TDRD10: variants seen among roughly 807,000 people sequenced by gnomAD.
The protein encoded by TDRD10 is tudor domain containing 10, also known as tudor domain-containing protein 10.
In TDRD10, 40 loss-of-function variants were observed where a neutral mutation model predicts 48.0. That is an observed-to-expected ratio of 0.83 (90% confidence interval 0.65 to 1.09). The LOEUF is 1.09. Among genes scored for constraint, TDRD10 ranks in the 50% least tolerant of loss-of-function variants. The pLI, the probability that TDRD10 is intolerant of heterozygous loss-of-function variation, is 0.00. For missense variants in TDRD10, 378 were observed against 434.7 expected, an observed-to-expected ratio of 0.87 and a Z score of 1.16; for synonymous variants, 162 against 170.4, an observed-to-expected ratio of 0.95 and a Z score of 0.38.
intron 4 of TDRD10, among the ~76,000 whole-genome samples, chr1:154,512,536 G>C (rs569732975): frequency 6.6e-6 from 1 of 152,098 alleles, no homozygotes; most frequent in Non-Finnish European, 1.5e-5. Flanking sequence ...TAGAGATGGG[G>C]TTTCTCCATG....
rs745546168 is a variant in TDRD10 at position 154,547,520 on chromosome 1, T to G, written c.1023+41T>G. 2.5e-6 allele frequency: 4 copies of G among 1,614,104 alleles called. No homozygotes were observed. The South Asian group carries it at 4.4e-5, about 18-fold the overall frequency. On this transcript the variant is annotated intron_variant, in intron 12 of 12. Transcript: ENST00000368482. ...TCTAACTTGGCTGTTGTCCCTCCAC[T>G]CCTGCCCTTGGGGTGTCTGCAGCAG... is the stretch of plus-strand genomic sequence containing the variant.
chr1:154,539,877 G>T (rs966633207), intron 6 of TDRD10, among the ~76,000 whole-genome samples: 2 of 151,266 alleles, frequency 1.3e-5, no homozygotes, highest in Admixed American at 6.6e-5. Flanking sequence ...TGGTTCTTAG[G>T]GGGGCCCCCA....
At chr1:154,521,851 A>G (rs1004846888) in intron 6 of TDRD10, among the ~76,000 whole-genome samples, 4 of 152,118 alleles carry the variant, frequency 2.6e-5, no homozygotes, top group African/African-American at 9.7e-5. Context: ...GTGTAAGACA[A>G]AAGTCAATAA....
intron 6 of TDRD10, among the ~76,000 whole-genome samples, chr1:154,534,805 A>G (rs1015149233): frequency 6.6e-6 from 1 of 152,118 alleles, no homozygotes; most frequent in Admixed American, 6.6e-5. Context: ...ATTAGAAGAT[A>G]AGCTTACGTG....
chr1:154,525,232 C>T (rs1694249051), intron 6 of TDRD10, among the ~76,000 whole-genome samples: 1 of 152,120 alleles, frequency 6.6e-6, no homozygotes, highest in Non-Finnish European at 1.5e-5. Context: ...GAACCAGATA[C>T]TGGGAAAGAG....
chr1:154,522,608 C>T (rs1441912494), intron 6 of TDRD10, among the ~76,000 whole-genome samples: 1 of 152,030 alleles, frequency 6.6e-6, no homozygotes, highest in Non-Finnish European at 1.5e-5. Context: ...GACTTTGAGA[C>T]CAACCTAGCC....
intron 4 of TDRD10, 77 bp from the exon 5 acceptor site, chr1:154,520,227 G>T: frequency 9.8e-7 from 1 of 1,019,090 alleles, no homozygotes; most frequent in Non-Finnish European, 1.6e-6. Context: ...AGACTAGCTG[G>T]CTGGGGATCT....
At chr1:154,540,581 T>C (rs1695171676) in intron 6 of TDRD10, among the ~76,000 whole-genome samples, 1 of 151,796 alleles carries the variant, frequency 6.6e-6, no homozygotes, top group Non-Finnish European at 1.5e-5. Context: ...CTGCTTTATT[T>C]GTTCATGATT....
In TDRD10 at chr1:154,544,107, TG is replaced by T; in HGVS notation, c.649del (p.Glu217ArgfsTer82). The T allele has an allele frequency of 6.2e-7, 1 of 1,614,156 alleles. No homozygotes were observed. ...CGTTTTTCTGGGCTATGCACGTCAC[TG>T]AGGTATGGACTGGTTGTTGGCCCCC... ...TPFFWAMHVT[E>X]ALHQNMQALF... is the part of the protein sequence containing the mutation. On this transcript the variant is annotated frameshift_variant and splice_region_variant, in exon 9 of 13. Transcript: ENST00000368482. LOFTEE classifies it high-confidence loss of function.
chr1:154,540,420 C>G (rs1695156770), intron 6 of TDRD10, among the ~76,000 whole-genome samples: 1 of 148,016 alleles, frequency 6.8e-6, no homozygotes, highest in African/African-American at 2.6e-5. Context: ...CCTGGAATCC[C>G]AGCACTCTGG....
rs1692828913 is a variant in TDRD10, at chr1:154,502,389, A to AAT, written c.-668_-667insAT. ...GAGAGGACCGAGCGGAGGCGGCGGG[A>AAT]GTATCCCCGGCGCAGCGACAGACGG... On this transcript the variant is annotated 5_prime_UTR_variant, in exon 1 of 13. The change creates a new upstream start codon in the 5' untranslated region. Transcript: ENST00000368482. The AAT allele has an allele frequency of 6.4e-6, 1 of 156,344 alleles. No homozygotes were observed. The highest frequency in any genetic ancestry group is 1.4e-5 in the Non-Finnish European group (1 of 70,958). The allele number at this position is 156,344 out of a possible 1,614,324, so 9.7% of individuals were successfully genotyped here.
chr1:154,547,326 G>GC (rs1301189073), intron 11 of TDRD10, 83 bp from the exon 12 acceptor site: 3 of 1,468,664 alleles, frequency 2.0e-6, no homozygotes, highest in African/African-American at 1.4e-5. Context: ...TTTCCCTGCA[G>GC]CCCCCGCCTT....
chr1:154,535,551 A>G (rs560397438), intron 6 of TDRD10, among the ~76,000 whole-genome samples: 1 of 151,922 alleles, frequency 6.6e-6, no homozygotes, highest in East Asian at 1.9e-4. Context: ...GTGGTGGCAC[A>G]CACATGTAGT....
Position 154,542,725 on chromosome 1 carries a change from T to C in TDRD10, c.413-6T>C, listed in dbSNP as rs1695312427. On this transcript the variant is annotated splice_region_variant and splice_polypyrimidine_tract_variant and intron_variant, in intron 7 of 12. Coordinates refer to ENST00000368482, the MANE Select transcript of TDRD10 (RefSeq NM_182499.4). ...TGCCTCCAGGACTTAGTCTTCTGCT[T>C]TCTAGCTATTATACAGCTCGCTCCT... 2.5e-6 allele frequency: 4 copies of C among 1,612,392 alleles called. No homozygotes were observed. Among genetic ancestry groups the C allele is most frequent in the Non-Finnish European group, 1.7e-6 (2 of 1,178,942 alleles).
At chr1:154,536,416 T>C (rs1371352806) in intron 6 of TDRD10, among the ~76,000 whole-genome samples, 3 of 152,192 alleles carry the variant, frequency 2.0e-5, no homozygotes, top group Admixed American at 1.3e-4. Flanking sequence ...CATAACTTGA[T>C]TCAATAGGAT....
chr1:154,523,849 C>G (rs1450906760), intron 6 of TDRD10, among the ~76,000 whole-genome samples: 1 of 152,160 alleles, frequency 6.6e-6, no homozygotes, highest in African/African-American at 2.4e-5. Context: ...TGGTCACAGG[C>G]TTTCCCACTC....
chr1:154,520,236 C>G, intron 4 of TDRD10, 68 bp from the exon 5 acceptor site: 2 of 1,158,522 alleles, frequency 1.7e-6, no homozygotes, highest in Non-Finnish European at 2.6e-6. Context: ...GGCTGGGGAT[C>G]TGAAACCTTG....
chr1:154,516,122 T>TA (rs1308260126), intron 4 of TDRD10, among the ~76,000 whole-genome samples: 3 of 152,204 alleles, frequency 2.0e-5, no homozygotes, highest in Non-Finnish European at 4.4e-5. Flanking sequence ...AGTGGGCACC[T>TA]AATAAGTATC....
chr1:154,519,194 G>A (rs1245427215), intron 4 of TDRD10, among the ~76,000 whole-genome samples: 1 of 152,172 alleles, frequency 6.6e-6, no homozygotes, highest in African/African-American at 2.4e-5. Flanking sequence ...TCGTTCTCAC[G>A]AATTGCTTGT....
Sources: allele counts gnomAD v4.1 joint callset (sites outside exome capture counted in the v4.1 genomes callset), GRCh38; gene constraint gnomAD v4.1.1; transcripts MANE v1.5; gene names NCBI Gene and HGNC (gene_info 2026-07-23, HGNC 2026-07-21).